The following MACROD2 variants were observed in gnomAD, a reference collection of about 807,000 sequenced individuals.
MACROD2 encodes mono-ADP ribosylhydrolase 2.
MACROD2 carries 36 observed loss-of-function variants against 70.4 expected under a neutral mutation model. The ratio of observed to expected loss-of-function variants is 0.51; its 90% CI spans 0.39 to 0.68. The LOEUF (loss-of-function observed/expected upper bound fraction) is 0.68, where lower values mean the gene tolerates loss of function less well. Among genes scored for constraint, MACROD2 ranks in the 30% least tolerant of loss-of-function variants. The pLI is 0.00. For missense variants in MACROD2, 496 were observed against 538.4 expected (o/e 0.92, Z 0.78); for synonymous variants, 172 against 178.8 (o/e 0.96, Z 0.30).
chr20:15,342,457 G>A (rs1219282907), intron 6 of MACROD2, among the ~76,000 whole-genome samples: 1 of 152,160 alleles, frequency 6.6e-6, no homozygotes, highest in Non-Finnish European at 1.5e-5. Context: ...TCTAGGGTCA[G>A]CATCCCTGTA....
intron 3 of MACROD2, among the ~76,000 whole-genome samples, chr20:14,218,206 C>T (rs571779627): frequency 6.6e-6 from 1 of 152,232 alleles, no homozygotes; most frequent in East Asian, 1.9e-4. Flanking sequence ...GTGTTAGGTG[C>T]ATATATGTTT....
intron 6 of MACROD2, among the ~76,000 whole-genome samples, chr20:15,252,943 AG>A (rs1215704604): frequency 2.6e-5 from 4 of 152,336 alleles, no homozygotes; most frequent in African/African-American, 9.6e-5. Context: ...TTGACTCTGT[AG>A]GTCCAAAATT....
At chr20:14,291,224 T>C (rs2082383819) in intron 3 of MACROD2, among the ~76,000 whole-genome samples, 1 of 152,202 alleles carries the variant, frequency 6.6e-6, no homozygotes, top group East Asian at 1.9e-4. Flanking sequence ...GAACAGGACA[T>C]TCATCCAGTC....
intron 6 of MACROD2, among the ~76,000 whole-genome samples, chr20:15,419,372 G>A (rs1417568658): frequency 6.6e-6 from 1 of 152,192 alleles, no homozygotes; most frequent in Non-Finnish European, 1.5e-5. Context: ...CAGTCCTCTG[G>A]CAGTTGCTGT....
intron 3 of MACROD2, among the ~76,000 whole-genome samples, chr20:14,465,231 C>T (rs765289731): frequency 6.6e-6 from 1 of 152,044 alleles, no homozygotes; most frequent in Non-Finnish European, 1.5e-5. Context: ...GTATTGGGTA[C>T]ATATATATTT....
At chr20:15,957,401 G>C (rs542497157) in intron 12 of MACROD2, among the ~76,000 whole-genome samples, 1 of 152,116 alleles carries the variant, frequency 6.6e-6, no homozygotes, top group African/African-American at 2.4e-5. Flanking sequence ...TCTCACAGTT[G>C]TTTCTCCTAA....
intron 8 of MACROD2, among the ~76,000 whole-genome samples, chr20:15,800,193 C>T (rs1372558829): frequency 6.6e-6 from 1 of 152,116 alleles, no homozygotes; most frequent in Non-Finnish European, 1.5e-5. Flanking sequence ...GTATTAGCAG[C>T]TTGTTGATAG....
At chr20:15,730,635 A>C (rs1031750817) in intron 8 of MACROD2, among the ~76,000 whole-genome samples, 2 of 151,300 alleles carry the variant, frequency 1.3e-5, no homozygotes, top group Non-Finnish European at 2.9e-5. Flanking sequence ...TTTTATTCCA[A>C]CCTCAGAGAA....
intron 4 of MACROD2, among the ~76,000 whole-genome samples, chr20:14,651,805 G>A (rs1336738609): frequency 3.3e-5 from 5 of 152,116 alleles, no homozygotes; most frequent in South Asian, 2.1e-4. Flanking sequence ...GGGGACTGCC[G>A]ACCAGTGTCT....
At chr20:14,404,146 A>G (rs1196040893) in intron 3 of MACROD2, among the ~76,000 whole-genome samples, 1 of 152,124 alleles carries the variant, frequency 6.6e-6, no homozygotes, top group African/African-American at 2.4e-5. Flanking sequence ...GAAGAGAAAG[A>G]TAGAGACACA....
chr20:15,243,644 G>A (rs976657356), intron 6 of MACROD2, among the ~76,000 whole-genome samples: 9 of 152,104 alleles, frequency 5.9e-5, no homozygotes, highest in East Asian at 1.9e-4. Context: ...GGCCGGGCAC[G>A]GTGGCTCACG....
chr20:15,683,364 C>A (rs1010563278), intron 8 of MACROD2, among the ~76,000 whole-genome samples: 4 of 152,154 alleles, frequency 2.6e-5, no homozygotes, highest in Non-Finnish European at 5.9e-5. Context: ...TTTTTGACAT[C>A]ATCCTAGAAA....
chr20:14,010,832 T>G (rs2052892683), intron 2 of MACROD2, among the ~76,000 whole-genome samples: 1 of 152,200 alleles, frequency 6.6e-6, no homozygotes, highest in Non-Finnish European at 1.5e-5. Flanking sequence ...TCTTTCATGA[T>G]TTCCTTGATT....
At chr20:15,519,966 C>T (rs967854578) in intron 8 of MACROD2, among the ~76,000 whole-genome samples, 1 of 152,154 alleles carries the variant, frequency 6.6e-6, no homozygotes, top group Non-Finnish European at 1.5e-5. Context: ...GAGGAGAAGC[C>T]TAGAACTCCA....
chr20:15,469,155 A>G (rs926070539), intron 7 of MACROD2, among the ~76,000 whole-genome samples: 1 of 152,234 alleles, frequency 6.6e-6, no homozygotes, highest in Non-Finnish European at 1.5e-5. Flanking sequence ...AAGAAAAAGT[A>G]ATACATGGTC....
intron 3 of MACROD2, among the ~76,000 whole-genome samples, chr20:14,457,835 C>T (rs1189066763): frequency 6.6e-6 from 1 of 152,142 alleles, no homozygotes; most frequent in Non-Finnish European, 1.5e-5. Context: ...GGGCTGGGAT[C>T]ATGCCTGTAA....
intron 5 of MACROD2, among the ~76,000 whole-genome samples, chr20:14,984,225 T>G (rs147471072): frequency 4.6e-4 from 70 of 152,346 alleles, no homozygotes; most frequent in Middle Eastern, 6.8e-3. Context: ...AATTTCATAT[T>G]GGTTATAATT....
At chr20:15,762,703 A>G (rs6135496) in intron 8 of MACROD2, among the ~76,000 whole-genome samples, 64,752 of 152,038 alleles carry the variant, frequency 0.43, 14,137 homozygotes, top group African/African-American at 0.52. Context: ...CCAGTCTGCT[A>G]GTCCCAGGAG....
At chr20:15,800,655 C>G (rs1220512754) in intron 8 of MACROD2, among the ~76,000 whole-genome samples, 2 of 152,122 alleles carry the variant, frequency 1.3e-5, no homozygotes, top group Non-Finnish European at 2.9e-5. Context: ...GCGAGGAGCC[C>G]CTCTGCCCGG....
Sources: allele counts gnomAD v4.1 joint callset (sites outside exome capture counted in the v4.1 genomes callset), GRCh38; gene constraint gnomAD v4.1.1; transcripts MANE v1.5; gene names NCBI Gene and HGNC (gene_info 2026-07-23, HGNC 2026-07-21).